Variants in G3BP1 observed in about 807,000 individuals in gnomAD.
The protein encoded by G3BP1 is ras GTPase-activating protein-binding protein 1.
G3BP1 carries 35 observed loss-of-function variants against 58.6 expected under a neutral mutation model. That is an observed-to-expected ratio of 0.60 (90% CI 0.46 to 0.79). The LOEUF (loss-of-function observed/expected upper bound fraction) is 0.79, where lower values mean the gene tolerates loss of function less well. Among genes scored for constraint, G3BP1 ranks in the 30% least tolerant of loss-of-function variants. The probability of loss-of-function intolerance (pLI) is 0.00; values close to 1 mark genes in which losing one functional copy is unlikely to be tolerated. For missense variants in G3BP1, 523 were observed against 580.8 expected (o/e 0.90, Z 1.02); for synonymous variants, 191 against 195.4 (o/e 0.98, Z 0.19).
chr5:151,799,614 G>GTCAA (rs931478463), intron 8 of G3BP1, among the ~76,000 whole-genome samples: 22 of 151,944 alleles, frequency 1.4e-4, no homozygotes, highest in African/African-American at 5.1e-4. Flanking sequence ...GAGTCCCGGA[G>GTCAA]GTTGAGGCTG....
Position 151,786,611 on chromosome 5 carries a change from G to A in G3BP1, c.-10G>A, listed in dbSNP as rs747214145. On this transcript the variant is annotated 5_prime_UTR_variant, in exon 2 of 12. Transcript: ENST00000356245. ...GACTCTTTTCCCCCCAGGTTGAATT[G>A]ACCAAAGCAATGGTGATGGAGAAGC... 1.0e-5 allele frequency: 16 copies of A among 1,591,184 alleles called. No individual in the cohort carries two copies. In the Admixed American group the frequency reaches 1.5e-4, roughly 15 times the overall value.
intron 4 of G3BP1, 68 bp from the exon 5 acceptor site, chr5:151,794,091 A>G (rs889976676): frequency 1.9e-5 from 17 of 898,000 alleles, no homozygotes; most frequent in Non-Finnish European, 2.6e-5. Context: ...CCAGTCACCA[A>G]TGGTGTAGAG....
At chr5:151,790,849 A>T (rs764347670) in intron 3 of G3BP1, 40 bp from the exon 4 acceptor site, 1 of 1,194,992 alleles carries the variant, frequency 8.4e-7, no homozygotes, top group Non-Finnish European at 1.2e-6. Flanking sequence ...ATTTTAAGGC[A>T]TTCTCAGTTG....
chr5:151,789,098 T>G (rs1342140733), intron 2 of G3BP1, among the ~76,000 whole-genome samples: 2 of 152,126 alleles, frequency 1.3e-5, no homozygotes, highest in African/African-American at 2.4e-5. Flanking sequence ...TTATATTTGG[T>G]TAATTTCTTT....
chr5:151,797,569 T>C lies in G3BP1; in HGVS notation c.741+141T>C, dbSNP rs1762776312. On this transcript the variant is annotated intron_variant, in intron 7 of 11. Transcript: ENST00000356245. ...CATTTCAGGGAAATTTCTTAGATAT[T>C]GAGCCATATGTTTGATAAGAGAGAG... is the stretch of plus-strand genomic sequence containing the variant. The C allele has an allele frequency of 1.6e-5, 14 of 896,866 alleles. No individual in the cohort carries two copies. In the South Asian group the frequency reaches 2.6e-4, roughly 17 times the overall value. The allele number at this position is 896,866 out of a possible 1,614,324, so 55.6% of individuals were successfully genotyped here.
intron 9 of G3BP1, 71 bp downstream of exon 9, chr5:151,800,071 G>T: frequency 8.4e-7 from 1 of 1,187,920 alleles, no homozygotes; most frequent in Non-Finnish European, 1.2e-6. Flanking sequence ...GAGGGCAGTT[G>T]ATATTTATAT....
At chr5:151,793,329 G>A (rs1449738852) in intron 4 of G3BP1, among the ~76,000 whole-genome samples, 1 of 151,972 alleles carries the variant, frequency 6.6e-6, no homozygotes, top group Admixed American at 6.5e-5. Flanking sequence ...GGCTGGTCTT[G>A]AACTCCTGAC....
At chr5:151,800,096 A>G in intron 9 of G3BP1, 96 bp downstream of exon 9, 1 of 1,184,778 alleles carries the variant, frequency 8.4e-7, no homozygotes, top group Non-Finnish European at 1.2e-6. Flanking sequence ...TAAAATAAAA[A>G]TATTGTAGGG....
intron 11 of G3BP1, 126 bp from the exon 12 acceptor site, chr5:151,803,759 G>C: frequency 1.6e-6 from 1 of 632,552 alleles, no homozygotes; most frequent in South Asian, 2.0e-5. Flanking sequence ...CTCCCAAAGT[G>C]CTGGGATTAC....
chr5:151,785,098 C>T (rs1414182752), intron 1 of G3BP1, among the ~76,000 whole-genome samples: 1 of 152,216 alleles, frequency 6.6e-6, no homozygotes, highest in Non-Finnish European at 1.5e-5. Flanking sequence ...AATGATCCAC[C>T]TGCCTCAGCC....
At position 151,778,957 on chromosome 5, in the gene G3BP1, T is replaced by C. The variant is rs1762420182; in HGVS notation, c.-50+6921T>C. Among the ~76,000 whole-genome samples the C allele has an allele frequency of 3.9e-5, 6 of 151,926 alleles. No individual in the cohort carries two copies. In the South Asian group the frequency reaches 1.3e-3, roughly 32 times the overall value. The stretch of plus-strand genomic sequence containing the variant: ...TTGTAATCCCAGCTGCTTGAGAAAC[T>C]GAGGCATGAGAATTGCTTGAACCTG... On this transcript the variant is annotated intron_variant, in intron 1 of 11. Transcript: ENST00000356245.
At position 151,812,695 on chromosome 5, in the gene G3BP1, A is replaced by G. The variant is rs897320499; in HGVS notation, c.*8604A>G. ...GTCAAAATGAAAGGTTGCTAAATCT[A>G]AGATCGAGTGTATAAATAAAATAAC... On this transcript the variant is annotated 3_prime_UTR_variant, in exon 12 of 12. Coordinates refer to ENST00000356245, the MANE Select transcript of G3BP1 (RefSeq NM_005754.3). 1.3e-5 allele frequency: 2 copies of G among 152,256 alleles called. No individual in the cohort carries two copies. Among genetic ancestry groups the G allele is most frequent in the African/African-American group, 4.8e-5 (2 of 41,472 alleles). 9.4% of individuals were successfully genotyped at this position (152,256 alleles called of 1,614,324 possible). A position where few individuals can be genotyped will look rare whatever the true frequency, so the allele number is the denominator to read the frequency against.
At position 151,808,161 on chromosome 5, in the gene G3BP1, G is replaced by T. The variant is rs752820403; in HGVS notation, c.*4070G>T. On this transcript the variant is annotated 3_prime_UTR_variant, in exon 12 of 12. Transcript: ENST00000356245. ...GAATTTCTGGTTCTAAGGTAGTAAT[G>T]CCTTTTGGGATTTATATTTGTTTAA... 1 of 152,200 alleles carries T rather than the reference G, an allele frequency of 6.6e-6. No homozygotes were observed. The highest frequency in any genetic ancestry group is 6.5e-5 in the Admixed American group (1 of 15,284). The allele number at this position is 152,200 out of a possible 1,614,324, so 9.4% of individuals were successfully genotyped here.
At chr5:151,796,712 AT>A (rs1328069832) in intron 6 of G3BP1, among the ~76,000 whole-genome samples, 1 of 151,942 alleles carries the variant, frequency 6.6e-6, no homozygotes, top group East Asian at 1.9e-4. Flanking sequence ...AAAATTTGCC[AT>A]CTTAACCTTT....
In G3BP1 at chr5:151,807,715, C is replaced by G. The variant is rs1041823703; in HGVS notation, c.*3624C>G. 2 of 152,132 alleles carry G rather than the reference C, an allele frequency of 1.3e-5. No individual in the cohort carries two copies. The allele number at this position is 152,132 out of a possible 1,614,324, so 9.4% of individuals were successfully genotyped here. Reference sequence around the variant, plus strand: ...CCTTCTGATACTTTTCTTCATCCCTCTATTTGAAAAACCCTTGTAGAATTT... The same window carrying G: ...CCTTCTGATACTTTTCTTCATCCCTGTATTTGAAAAACCCTTGTAGAATTT... On this transcript the variant is annotated 3_prime_UTR_variant, in exon 12 of 12. Coordinates refer to ENST00000356245, the MANE Select transcript of G3BP1 (RefSeq NM_005754.3).
intron 2 of G3BP1, among the ~76,000 whole-genome samples, chr5:151,788,572 A>ATGTGTGTGTGTG (rs10634385): frequency 0.015 from 1,947 of 133,256 alleles, 34 homozygotes; most frequent in African/African-American, 0.018. Context: ...CTAAGTTTAT[A>ATGTGTGTGTGTG]TGTGTGTGTG....
rs1401476655 is a variant in G3BP1 at position 151,805,800 on chromosome 5, T to C, written c.*1709T>C. 6.6e-6 allele frequency: 1 copy of C among 152,228 alleles called. No individual in the cohort carries two copies. Among genetic ancestry groups the C allele is most frequent in the Non-Finnish European group, 1.5e-5 (1 of 68,032 alleles). The allele number at this position is 152,228 out of a possible 1,614,324, so 9.4% of individuals were successfully genotyped here. On this transcript the variant is annotated 3_prime_UTR_variant, in exon 12 of 12. Transcript: ENST00000356245. ...GGAAGAAATACAACTTATACTTTTG[T>C]AGCTTATATTAAGCATGTGGTGGGT...
intron 1 of G3BP1, among the ~76,000 whole-genome samples, chr5:151,783,269 TTG>T (rs1386626315): frequency 6.6e-6 from 1 of 152,208 alleles, no homozygotes; most frequent in African/African-American, 2.4e-5. Context: ...TTCTCATAGC[TTG>T]TGTTTTATTT....
At chr5:151,781,089 TAAAA>T (rs922823377) in intron 1 of G3BP1, among the ~76,000 whole-genome samples, 1 of 151,696 alleles carries the variant, frequency 6.6e-6, no homozygotes, top group Non-Finnish European at 1.5e-5. Context: ...CTAGAAATAA[TAAAA>T]AAAATTAAGA....
Sources: allele counts gnomAD v4.1 joint callset (sites outside exome capture counted in the v4.1 genomes callset), GRCh38; gene constraint gnomAD v4.1.1; transcripts MANE v1.5; gene names NCBI Gene and HGNC (gene_info 2026-07-23, HGNC 2026-07-21).